The following TPCN2 variants were observed in gnomAD, a reference collection of about 807,000 sequenced individuals.
The protein encoded by TPCN2 is two pore segment channel 2.
In TPCN2, 92 loss-of-function variants were observed where a neutral mutation model predicts 111.4. The ratio of observed to expected loss-of-function variants is 0.83; its 90% confidence interval spans 0.70 to 0.98. The LOEUF (loss-of-function observed/expected upper bound fraction) is 0.98, where lower values mean the gene tolerates loss of function less well. Ranked by LOEUF, TPCN2 falls within the 50% of genes least tolerant of loss-of-function variation. TPCN2 has a pLI of 0.00. For missense variants in TPCN2, 995 were observed against 980.1 expected, an observed-to-expected ratio of 1.02 and a Z score of -0.20; for synonymous variants, 405 against 414.5, an observed-to-expected ratio of 0.98 and a Z score of 0.28.
chr11:69,088,007 A>G lies in TPCN2; in HGVS notation c.*54A>G, dbSNP rs1300169477. ...GCAGGAGAGAGAGGCTGGCCTACACAGGTGCCCGTCATGGAAGAGGCGGCC... is the reference window on the plus strand; with the variant it reads ...GCAGGAGAGAGAGGCTGGCCTACACGGGTGCCCGTCATGGAAGAGGCGGCC... On this transcript the variant is annotated 3_prime_UTR_variant, in exon 25 of 25. Transcript: ENST00000294309. 2.6e-6 allele frequency: 4 copies of G among 1,510,982 alleles called. No individual in the cohort carries two copies. In the Admixed American group the frequency reaches 8.2e-5, roughly 31 times the overall value. 93.6% of individuals were successfully genotyped at this position (1,510,982 alleles called of 1,614,324 possible).
chr11:69,058,757 ACTCGGCAGCTTCCCGCAGCCTC>A (rs1392739578), intron 5 of TPCN2, among the ~76,000 whole-genome samples: 1 of 152,150 alleles, frequency 6.6e-6, no homozygotes, highest in African/African-American at 2.4e-5. Flanking sequence ...TGTCTCCCTG[ACTCGGCAGCTTCCCGCAGCCTC>A]CTCCCTGCAA....
intron 6 of TPCN2, 86 bp from the exon 7 acceptor site, chr11:69,063,809 G>A (rs1416064988): frequency 3.0e-6 from 4 of 1,315,992 alleles, no homozygotes; most frequent in African/African-American, 1.4e-5. Context: ...ACTCTTGGGC[G>A]CTCCTGTCAC....
At position 69,054,749 on chromosome 11, in the gene TPCN2, C is replaced by T. The variant is rs1269051642; in HGVS notation, c.203C>T (p.Ala68Val). ...QYRSINHRVDASSMWLYRRYY... is the reference protein window; with the variant it reads ...QYRSINHRVDVSSMWLYRRYY... ...CGCTCCATCAACCACCGGGTGGATG[C>T]CAGCTCGATGTGGCTTTACCGACGG... The change falls in exon 3 of 25, where the codon GCC becomes GTC. Residue 68 changes from alanine to valine, a missense_variant. Physicochemically the swap from Ala to Val is moderately conservative, Grantham distance 64. Coordinates refer to ENST00000294309, the MANE Select transcript of TPCN2 (RefSeq NM_139075.4). The T allele has an allele frequency of 6.2e-7, 1 of 1,614,194 alleles. No homozygotes were observed. The highest frequency in any genetic ancestry group is 8.5e-7 in the Non-Finnish European group (1 of 1,180,010).
chr11:69,050,734 G>A (rs971580667), intron 1 of TPCN2, among the ~76,000 whole-genome samples: 1 of 152,242 alleles, frequency 6.6e-6, no homozygotes, highest in African/African-American at 2.4e-5. Flanking sequence ...ACTGCCTGGC[G>A]GGCATTGTGA....
chr11:69,052,748 G>A (rs948668602), intron 1 of TPCN2, among the ~76,000 whole-genome samples: 3 of 152,200 alleles, frequency 2.0e-5, no homozygotes, highest in Non-Finnish European at 2.9e-5. Flanking sequence ...TGGCGTGGGC[G>A]GGTCATGGCC....
chr11:69,079,560 G>T, intron 16 of TPCN2: 1 of 416,288 alleles, frequency 2.4e-6, no homozygotes, highest in Non-Finnish European at 4.3e-6. Flanking sequence ...TTTGAAAAGG[G>T]CCCTGCAGTC....
In TPCN2 at chr11:69,080,498, G is replaced by T. The variant is rs146978651; in HGVS notation, c.1589+615G>T. On this transcript the variant is annotated intron_variant, in intron 17 of 24. Coordinates refer to ENST00000294309, the MANE Select transcript of TPCN2 (RefSeq NM_139075.4). Reference sequence around the variant, plus strand: ...ACAGGGCTGTCAGCCAGGCTGCTCTGCCCTGAGAGCGTGGCTCTGGTGTGC... The same window carrying T: ...ACAGGGCTGTCAGCCAGGCTGCTCTTCCCTGAGAGCGTGGCTCTGGTGTGC... Among the ~76,000 whole-genome samples, 171 of 152,354 alleles carry T rather than the reference G, an allele frequency of 1.1e-3. 3 individuals are homozygous for T. The East Asian group carries it at 0.026, about 23-fold the overall frequency.
chr11:69,087,980 C>G lies in TPCN2; in HGVS notation c.*27C>G. Reference sequence around the variant, plus strand: ...GTCCGGGCTGCCGTCCCAGCAGGGGCGGCAGGAGAGAGAGGCTGGCCTACA... The same window carrying G: ...GTCCGGGCTGCCGTCCCAGCAGGGGGGGCAGGAGAGAGAGGCTGGCCTACA... On this transcript the variant is annotated 3_prime_UTR_variant, in exon 25 of 25. Transcript: ENST00000294309. The G allele has an allele frequency of 6.3e-7, 1 of 1,589,300 alleles. No homozygotes were observed. Among genetic ancestry groups the G allele is most frequent in the Non-Finnish European group, 8.6e-7 (1 of 1,168,858 alleles).
At chr11:69,077,175 C>CCTCCTGTT (rs1855816978) in intron 13 of TPCN2, among the ~76,000 whole-genome samples, 1 of 5,408 alleles carries the variant, frequency 1.8e-4, no homozygotes, top group African/African-American at 6.0e-4. Context: ...GCCCTCCTGC[C>CCTCCTGTT]GTGTCCCTTC....
chr11:69,067,479 T>A (rs934660949), intron 7 of TPCN2, 24 bp from the exon 8 acceptor site: 15 of 1,605,804 alleles, frequency 9.3e-6, no homozygotes, highest in Non-Finnish European at 1.3e-5. Context: ...AGTGGTGCCC[T>A]GGAGCTGCCG....
At position 69,085,892 on chromosome 11, in the gene TPCN2, G is replaced by C. The variant is rs1167531560; in HGVS notation, c.1965G>C (p.Trp655Cys). 1.9e-6 allele frequency: 3 copies of C among 1,614,088 alleles called. No homozygotes were observed. ...TLWNLMVVNNWQVFLDAYRRY... is the reference protein window; with the variant it reads ...TLWNLMVVNNCQVFLDAYRRY... ...GGAACTTGATGGTGGTGAACAACTGGCAGGTGTTTCTGGATGCATATCGGC... is the reference window on the plus strand; with the variant it reads ...GGAACTTGATGGTGGTGAACAACTGCCAGGTGTTTCTGGATGCATATCGGC... Residue 655 changes from tryptophan to cysteine, a missense_variant, in exon 22 of 25, where the codon TGG becomes TGC. Trp to Cys is a radical substitution (Grantham distance 215). Transcript: ENST00000294309.
In TPCN2 at chr11:69,053,014, C is replaced by A. The variant is rs58439334; in HGVS notation, c.110-1019C>A. On this transcript the variant is annotated intron_variant, in intron 1 of 24. Coordinates refer to ENST00000294309, the MANE Select transcript of TPCN2 (RefSeq NM_139075.4). The stretch of plus-strand genomic sequence containing the variant: ...CTCTGCAGCGAGGCCAGAGGTGGCC[C>A]GTGCCTACGATGCGGGTGGGTGGCC... Among the ~76,000 whole-genome samples, 68 of 152,296 alleles carry A rather than the reference C, an allele frequency of 4.5e-4. 2 individuals carry two copies. In the East Asian group the frequency reaches 6.2e-3, roughly 14 times the overall value.
intron 1 of TPCN2, among the ~76,000 whole-genome samples, chr11:69,053,194 CT>C (rs1400374537): frequency 6.6e-6 from 1 of 152,248 alleles, no homozygotes. Context: ...GCCACTGCCG[CT>C]TTTGCCCAGG....
rs745461135 is a variant in TPCN2 at position 69,081,509 on chromosome 11, G to A, written c.1689+10G>A. The A allele has an allele frequency of 9.1e-6, 14 of 1,540,782 alleles. No homozygotes were observed. The highest frequency in any genetic ancestry group is 5.8e-5 in the Admixed American group (3 of 51,624). The stretch of plus-strand genomic sequence containing the variant: ...CATCCCCAGCATGAAGGTGTGTGCC[G>A]GCCCCACCCCCACTCGCCCCACCCT... On this transcript the variant is annotated intron_variant, in intron 18 of 24. Coordinates refer to ENST00000294309, the MANE Select transcript of TPCN2 (RefSeq NM_139075.4).
At chr11:69,070,306 G>C in intron 8 of TPCN2, 124 bp from the exon 9 acceptor site, 1 of 745,194 alleles carries the variant, frequency 1.3e-6, no homozygotes, top group Non-Finnish European at 2.3e-6. Flanking sequence ...GATTACAGGC[G>C]TGAGCCACCA....
At chr11:69,087,841 A>C in intron 24 of TPCN2, 34 bp from the exon 25 acceptor site, 1 of 1,578,914 alleles carries the variant, frequency 6.3e-7, no homozygotes, top group Non-Finnish European at 8.7e-7. Context: ...CCTCCTTTAG[A>C]GGCCCCTGTG....
In TPCN2 at chr11:69,051,414, G is replaced by A. The variant is rs149128585; in HGVS notation, c.109+2308G>A. Among the ~76,000 whole-genome samples, 174 of 152,378 alleles carry A rather than the reference G, an allele frequency of 1.1e-3. No homozygotes were observed. The Middle Eastern group carries it at 0.017, about 15-fold the overall frequency. On this transcript the variant is annotated intron_variant, in intron 1 of 24. Coordinates refer to ENST00000294309, the MANE Select transcript of TPCN2 (RefSeq NM_139075.4). ...CTGGCTATAGTAAGTCATTCAGTCT[G>A]TACTTAGCTCCTATTGGGTGGGGGT... is the stretch of plus-strand genomic sequence containing the variant.
intron 19 of TPCN2, 109 bp downstream of exon 19, chr11:69,084,125 C>T (rs117003237): frequency 1.2e-5 from 14 of 1,199,128 alleles, no homozygotes; most frequent in Non-Finnish European, 1.6e-5. Flanking sequence ...TAGGAAGGTT[C>T]TTGGGTTCGG....
Position 69,085,854 on chromosome 11 carries a change from C to G in TPCN2, c.1927C>G (p.Leu643Val). 4 of 1,614,086 alleles carry G rather than the reference C, an allele frequency of 2.5e-6. No individual in the cohort carries two copies. The East Asian group carries it at 6.7e-5, about 27-fold the overall frequency. Residue 643 changes from leucine (L) to valine (V), a missense_variant, in exon 22 of 25, where the codon CTG becomes GTG. By Grantham distance (32) the Leu-to-Val change is conservative (BLOSUM62 1). Coordinates refer to ENST00000294309, the MANE Select transcript of TPCN2 (RefSeq NM_139075.4). The part of the protein sequence containing the change: ...ANNFDDFAAA[L>V]VTLWNLMVVN... ...CTGGTCTCTGCCCCCGCAGGCTGCC[C>G]TGGTCACTCTGTGGAACTTGATGGT...
Sources: gnomAD v4.1 joint callset for allele counts (sites outside exome capture counted in the v4.1 genomes callset) on GRCh38, gnomAD v4.1.1 for gene constraint, MANE v1.5 for transcripts, NCBI Gene and HGNC (gene_info 2026-07-23, HGNC 2026-07-21) for gene names.